MUCL1: variants seen among roughly 807,000 people sequenced by gnomAD.
MUCL1 encodes mucin-like protein 1.
A neutral mutation model predicts 9.2 loss-of-function variants in MUCL1; 11 were observed. The ratio of observed to expected loss-of-function variants is 1.19; its 90% CI spans 0.75 to 1.97. The LOEUF is 1.97. Ranked by LOEUF, MUCL1 falls within the 30% of genes most tolerant of loss-of-function variation. The pLI, the probability that MUCL1 is intolerant of heterozygous loss-of-function variation, is 0.00. For missense variants in MUCL1, 144 were observed against 110.9 expected, an observed-to-expected ratio of 1.30 and a Z score of -1.34; for synonymous variants, 48 against 40.5, an observed-to-expected ratio of 1.19 and a Z score of -0.71.
At chr12:54,838,921 C>T (rs1362454767), upstream of MUCL1, among the ~76,000 whole-genome samples, 3 of 152,008 alleles carry the variant, frequency 2.0e-5, no homozygotes, top group Non-Finnish European at 4.4e-5. Flanking sequence ...CTTTATCTGG[C>T]ATCTCAAAGA....
chr12:54,835,150 C>T (rs1565773892), upstream of MUCL1, among the ~76,000 whole-genome samples: 1 of 152,126 alleles, frequency 6.6e-6, no homozygotes. Context: ...TTTATTCACT[C>T]ATTCGTTGAT....
chr12:54,838,565 G>T (rs868240345), upstream of MUCL1, among the ~76,000 whole-genome samples: 4 of 152,110 alleles, frequency 2.6e-5, no homozygotes, highest in South Asian at 4.1e-4. Flanking sequence ...GAGCACAAAT[G>T]ATTCTTAGGT....
chr12:54,849,906 C>A (rs997943861), upstream of MUCL1, among the ~76,000 whole-genome samples: 4 of 152,260 alleles, frequency 2.6e-5, no homozygotes, highest in Admixed American at 1.3e-4. Context: ...GTTGTAGGCC[C>A]CACGGGGCTC....
upstream of MUCL1, among the ~76,000 whole-genome samples, chr12:54,835,354 C>T (rs934990422): frequency 2.0e-5 from 3 of 152,092 alleles, no homozygotes; most frequent in Non-Finnish European, 4.4e-5. Flanking sequence ...AGAGGTTGTA[C>T]TAATTTACAT....
intron 1 of MUCL1, among the ~76,000 whole-genome samples, chr12:54,833,944 A>T (rs989047936): frequency 8.0e-5 from 12 of 149,594 alleles, no homozygotes. Context: ...CACATTGTGC[A>T]CATGTACCCT....
chr12:54,852,978 G>T (rs1198313245), upstream of MUCL1, among the ~76,000 whole-genome samples: 1 of 152,106 alleles, frequency 6.6e-6, no homozygotes. Context: ...CCAGGACAAG[G>T]ACACTGACTT....
At chr12:54,838,531 T>A (rs1222480866), upstream of MUCL1, among the ~76,000 whole-genome samples, 1 of 152,206 alleles carries the variant, frequency 6.6e-6, no homozygotes, top group Non-Finnish European at 1.5e-5. Flanking sequence ...TTTTTGAAAC[T>A]TTTTGCTTTT....
chr12:54,845,677 A>C (rs1314399026), intron 1 of MUCL1, among the ~76,000 whole-genome samples: 1 of 152,152 alleles, frequency 6.6e-6, no homozygotes, highest in African/African-American at 2.4e-5. Context: ...CACTGCACCC[A>C]AAAACAACTC....
chr12:54,857,231 AGTGTGTGTGTGTGT>A (rs34504933), intron 3 of MUCL1, among the ~76,000 whole-genome samples: 8 of 142,554 alleles, frequency 5.6e-5, no homozygotes, highest in South Asian at 2.3e-4. Context: ...TAAATCAGGT[AGTGTGTGTGTGTGT>A]GTGTGTGTGT....
intron 1 of MUCL1, among the ~76,000 whole-genome samples, chr12:54,847,058 C>G (rs931524963): frequency 6.6e-6 from 1 of 152,192 alleles, no homozygotes; most frequent in Non-Finnish European, 1.5e-5. Flanking sequence ...TTTTCATAGA[C>G]CTACGCTCCC....
chr12:54,851,995 T>G (rs1266490241), upstream of MUCL1, among the ~76,000 whole-genome samples: 1 of 152,166 alleles, frequency 6.6e-6, no homozygotes, highest in Non-Finnish European at 1.5e-5. Flanking sequence ...CACTGCTCAA[T>G]GAAATAAAAG....
Position 54,857,231 on chromosome 12 carries a change from AGTGTGTGTGTGT to A in MUCL1, c.223+366_223+377del, listed in dbSNP as rs34504933. Among the ~76,000 whole-genome samples, 658 of 142,546 alleles carry A rather than the reference AGTGTGTGTGTGT, an allele frequency of 4.6e-3. 4 individuals are homozygous for A. Among genetic ancestry groups the A allele is most frequent in the Non-Finnish European group, 7.0e-3 (450 of 64,494 alleles). The allele number at this position is 142,546 out of a possible 152,430, so 93.5% of individuals were successfully genotyped here. ...TTATTATTATTTTTTTAAATCAGGT[AGTGTGTGTGTGT>A]GTGTGTGTGTGTGTGTGTGTGTGTG... On this transcript the variant is annotated intron_variant, in intron 3 of 3. Transcript: ENST00000308796.
At chr12:54,834,174 T>C (rs1483475885) in intron 1 of MUCL1, among the ~76,000 whole-genome samples, 1 of 152,186 alleles carries the variant, frequency 6.6e-6, no homozygotes, top group Non-Finnish European at 1.5e-5. Context: ...CTTATTTTTC[T>C]ATATTCTCTT....
intron 1 of MUCL1, among the ~76,000 whole-genome samples, chr12:54,849,195 T>C (rs2135943884): frequency 6.6e-6 from 1 of 152,272 alleles, no homozygotes; most frequent in African/African-American, 2.4e-5. Context: ...CACAAATATA[T>C]GGTCACTTGC....
upstream of MUCL1, among the ~76,000 whole-genome samples, chr12:54,851,974 G>C (rs1250486271): frequency 2.0e-5 from 3 of 152,114 alleles, no homozygotes; most frequent in African/African-American, 7.2e-5. Flanking sequence ...TCTCCAAAGA[G>C]AACTACAAAT....
At chr12:54,848,733 T>TATTC (rs1959292991) in intron 1 of MUCL1, among the ~76,000 whole-genome samples, 1 of 152,182 alleles carries the variant, frequency 6.6e-6, no homozygotes, top group Non-Finnish European at 1.5e-5. Context: ...GCTTCTGGCA[T>TATTC]AACAGTCCAG....
chr12:54,832,953 A>C (rs976442171), intron 1 of MUCL1, among the ~76,000 whole-genome samples: 2 of 152,148 alleles, frequency 1.3e-5, no homozygotes, highest in Admixed American at 1.3e-4. Flanking sequence ...TCACAAAATA[A>C]CCAAGCTTCC....
At chr12:54,850,276 A>G (rs1201719251), upstream of MUCL1, among the ~76,000 whole-genome samples, 2 of 151,756 alleles carry the variant, frequency 1.3e-5, no homozygotes, top group African/African-American at 4.9e-5. Context: ...CGTCATTTAC[A>G]TTAGGTATAT....
At chr12:54,845,119 T>C (rs1399659521) in intron 1 of MUCL1, among the ~76,000 whole-genome samples, 3 of 152,232 alleles carry the variant, frequency 2.0e-5, no homozygotes, top group African/African-American at 4.8e-5. Context: ...TCGGCCAGAA[T>C]GCCCACACAT....
Sources: gnomAD v4.1 joint callset for allele counts (sites outside exome capture counted in the v4.1 genomes callset) on GRCh38, gnomAD v4.1.1 for gene constraint, MANE v1.5 for transcripts, NCBI Gene and HGNC (gene_info 2026-07-23, HGNC 2026-07-21) for gene names.